ACTR2: variants seen among roughly 807,000 people sequenced by gnomAD.
ACTR2 encodes actin-related protein 2.
Under a neutral mutation model 50.2 loss-of-function variants are expected in ACTR2, and 5 were observed. The ratio of observed to expected loss-of-function variants is 0.10; its 90% CI spans 0.05 to 0.21. ACTR2 has a LOEUF of 0.21. Among genes scored for constraint, ACTR2 ranks in the 10% least tolerant of loss-of-function variants. The probability of loss-of-function intolerance (pLI) is 1.00; values close to 1 mark genes in which losing one functional copy is unlikely to be tolerated. For synonymous variants in ACTR2, 140 were observed against 162.9 expected (o/e 0.86, Z 1.07); for missense variants, 180 against 480.6 (o/e 0.37, Z 5.85).
chr2:65,239,432 C>T (rs936704017), intron 1 of ACTR2, among the ~76,000 whole-genome samples: 1 of 152,184 alleles, frequency 6.6e-6, no homozygotes, highest in Non-Finnish European at 1.5e-5. Flanking sequence ...TCTGCCTGGG[C>T]AAAAAGAGTG....
chr2:65,267,626 C>G (rs931621901), intron 8 of ACTR2, among the ~76,000 whole-genome samples: 2 of 152,148 alleles, frequency 1.3e-5, no homozygotes, highest in African/African-American at 4.8e-5. Flanking sequence ...ATAGTAGCTA[C>G]AGAGTATAAA....
chr2:65,239,547 G>T (rs544581884), intron 1 of ACTR2, among the ~76,000 whole-genome samples: 1 of 152,376 alleles, frequency 6.6e-6, no homozygotes, highest in Non-Finnish European at 1.5e-5. Context: ...CAGGAGCTCT[G>T]TTAGGTATTG....
At chr2:65,250,224 T>C (rs1263028509) in intron 3 of ACTR2, among the ~76,000 whole-genome samples, 7 of 148,514 alleles carry the variant, frequency 4.7e-5, no homozygotes, top group Non-Finnish European at 8.9e-5. Flanking sequence ...ATTAGCCGGG[T>C]GTGGTGGTGT....
intron 8 of ACTR2, among the ~76,000 whole-genome samples, chr2:65,265,632 A>T (rs1169211244): frequency 6.6e-6 from 1 of 152,102 alleles, no homozygotes; most frequent in African/African-American, 2.4e-5. Context: ...ATGTCTCAAA[A>T]TTTTTTGCAT....
intron 2 of ACTR2, among the ~76,000 whole-genome samples, chr2:65,245,393 G>T (rs1049617315): frequency 3.9e-5 from 6 of 152,004 alleles, no homozygotes; most frequent in Non-Finnish European, 7.4e-5. Context: ...GGTGGCAGGT[G>T]CCTGTAATCC....
chr2:65,244,116 A>T (rs1490187124), intron 2 of ACTR2, among the ~76,000 whole-genome samples: 1 of 152,192 alleles, frequency 6.6e-6, no homozygotes, highest in African/African-American at 2.4e-5. Flanking sequence ...TTAATCCTTT[A>T]TAGTATGTGT....
At position 65,255,669 on chromosome 2, in the gene ACTR2, C is replaced by G. The variant is rs1212714114; in HGVS notation, c.710C>G (p.Thr237Ser). Residue 237 changes from threonine (T) to serine (S), a missense_variant, in exon 6 of 9, where the codon ACC (threonine) becomes AGC (serine). Coordinates refer to ENST00000260641, the MANE Select transcript of ACTR2 (RefSeq NM_005722.4). ...IEQEQKLALE[T>S]TVLVESYTLP... The stretch of plus-strand genomic sequence containing the variant: ...CAAGAGCAGAAACTGGCCTTAGAAA[C>G]CACAGTATTAGTTGAATCTTATACA... 2 of 1,613,632 alleles carry G rather than the reference C, an allele frequency of 1.2e-6. No homozygotes were observed.
intron 1 of ACTR2, among the ~76,000 whole-genome samples, chr2:65,239,231 G>T (rs1339333919): frequency 2.0e-5 from 3 of 152,188 alleles, no homozygotes; most frequent in Non-Finnish European, 4.4e-5. Flanking sequence ...GAGGCAGGCG[G>T]ATCACCTGAG....
In ACTR2 at chr2:65,270,253, AC is replaced by A. The variant is rs1672466376; in HGVS notation, c.*1520del. Reference sequence around the variant, plus strand: ...GAAGAGGCTTAATTTGGGGGTGGTAACTAAAATCAAAAGAAATGATTGACTT... The same window carrying A: ...GAAGAGGCTTAATTTGGGGGTGGTAATAAAATCAAAAGAAATGATTGACTT... On this transcript the variant is annotated 3_prime_UTR_variant, in exon 9 of 9. Transcript: ENST00000260641. The A allele has an allele frequency of 6.6e-6, 1 of 152,638 alleles. No individual in the cohort carries two copies. The highest frequency in any genetic ancestry group is 2.1e-4 in the South Asian group (1 of 4,834). 9.5% of individuals were successfully genotyped at this position (152,638 alleles called of 1,614,324 possible).
intron 2 of ACTR2, among the ~76,000 whole-genome samples, chr2:65,243,816 C>T (rs1671885347): frequency 6.6e-6 from 1 of 152,152 alleles, no homozygotes; most frequent in Non-Finnish European, 1.5e-5. Flanking sequence ...AACAGCATCT[C>T]AGTTACTGTG....
intron 2 of ACTR2, among the ~76,000 whole-genome samples, chr2:65,243,597 C>G (rs1312943047): frequency 6.6e-6 from 1 of 152,150 alleles, no homozygotes; most frequent in Non-Finnish European, 1.5e-5. Flanking sequence ...CCACTGCACT[C>G]CAGCTTGGGT....
chr2:65,235,612 A>AT (rs1353959445), intron 1 of ACTR2, among the ~76,000 whole-genome samples: 2 of 152,054 alleles, frequency 1.3e-5, no homozygotes, highest in Admixed American at 1.3e-4. Context: ...AAAATTAGCC[A>AT]GGTGCAGTGG....
chr2:65,251,705 G>T (rs1402019122), intron 4 of ACTR2, among the ~76,000 whole-genome samples: 1 of 151,970 alleles, frequency 6.6e-6, no homozygotes, highest in African/African-American at 2.4e-5. Flanking sequence ...CCCAGAATTG[G>T]CTTGAGTTAA....
At position 65,268,590 on chromosome 2, in the gene ACTR2, A is replaced by T; in HGVS notation, c.1041A>T (p.Pro347=). 6.2e-7 allele frequency: 1 copy of T among 1,613,478 alleles called. No individual in the cohort carries two copies. The highest frequency in any genetic ancestry group is 8.5e-7 in the Non-Finnish European group (1 of 1,179,838). ...LSKFKIRIED[P]PRRKHMVFLG... is the part of the protein sequence containing the mutation. ...AATTTAAGATCCGCATTGAAGACCC[A>T]CCCCGCAGAAAGCACATGGTATTCC... Residue 347 remains proline (P), a synonymous_variant, in exon 9 of 9, where the codon CCA becomes CCT. Transcript: ENST00000260641.
In ACTR2 at chr2:65,260,381, C is replaced by G. The variant is rs148913313; in HGVS notation, c.736-866C>G. On this transcript the variant is annotated intron_variant, in intron 6 of 8. Transcript: ENST00000260641. ...AATATGCTGGCGTGGTGGCACATGC[C>G]TGTAATCCGAGCTACTCAGGAGGCT... Among the ~76,000 whole-genome samples, 775 of 152,256 alleles carry G rather than the reference C, an allele frequency of 5.1e-3. 8 individuals carry two copies. The highest frequency in any genetic ancestry group is 0.018 in the African/African-American group (743 of 41,540).
Position 65,263,105 on chromosome 2 carries a change from G to A in ACTR2, c.881+1713G>A, listed in dbSNP as rs572531802. ...CGCCAGGCTGGAGTGCAGTGGTGCA[G>A]TCTCGGCTCACTGCAACCTGGGTGG... On this transcript the variant is annotated intron_variant, in intron 7 of 8. Transcript: ENST00000260641. Among the ~76,000 whole-genome samples, 20 of 151,634 alleles carry A rather than the reference G, an allele frequency of 1.3e-4. No individual in the cohort carries two copies. The East Asian group carries it at 3.9e-3, about 29-fold the overall frequency.
At chr2:65,238,814 AAAAATTAGCTGG>A (rs1248624500) in intron 1 of ACTR2, among the ~76,000 whole-genome samples, 2 of 150,646 alleles carry the variant, frequency 1.3e-5, no homozygotes, top group African/African-American at 4.9e-5. Flanking sequence ...CTAAAAATGC[AAAAATTAGCTGG>A]GCATGGTGGT....
intron 7 of ACTR2, among the ~76,000 whole-genome samples, chr2:65,262,429 T>G (rs948369533): frequency 2.0e-5 from 3 of 149,904 alleles, no homozygotes; most frequent in Non-Finnish European, 4.4e-5. Flanking sequence ...TTAGTAGAGA[T>G]GGGGTTTTGC....
chr2:65,233,253 C>T (rs1671673636), intron 1 of ACTR2, among the ~76,000 whole-genome samples: 1 of 152,098 alleles, frequency 6.6e-6, no homozygotes, highest in Middle Eastern at 3.4e-3. Flanking sequence ...CCTCAGCCTC[C>T]CAAAGTGCTG....
Sources: gnomAD v4.1 joint callset for allele counts (sites outside exome capture counted in the v4.1 genomes callset) on GRCh38, gnomAD v4.1.1 for gene constraint, MANE v1.5 for transcripts, NCBI Gene and HGNC (gene_info 2026-07-23, HGNC 2026-07-21) for gene names.